Variants in ZHX3 observed in about 807,000 individuals in gnomAD.
ZHX3 encodes zinc fingers and homeoboxes protein 3.
ZHX3 carries 20 observed loss-of-function variants against 64.5 expected under a neutral mutation model. The observed-to-expected ratio is 0.31, with a 90% CI of 0.22 to 0.45. ZHX3 has a LOEUF of 0.45. Among genes scored for constraint, ZHX3 ranks in the 20% least tolerant of loss-of-function variants. ZHX3 has a pLI of 1.00. For synonymous variants in ZHX3, 423 were observed against 461.6 expected, an observed-to-expected ratio of 0.92 and a Z score of 1.07; for missense variants, 1,041 against 1,195.8, an observed-to-expected ratio of 0.87 and a Z score of 1.91.
chr20:41,266,400 T>C (rs1368164829), intron 2 of ZHX3, among the ~76,000 whole-genome samples: 2 of 152,108 alleles, frequency 1.3e-5, no homozygotes, highest in Non-Finnish European at 2.9e-5. Context: ...CCTCCAGTCA[T>C]ATGCAATGTC....
At chr20:41,198,923 T>A (rs1278188291) in intron 3 of ZHX3, among the ~76,000 whole-genome samples, 2 of 152,086 alleles carry the variant, frequency 1.3e-5, no homozygotes, top group South Asian at 2.1e-4. Flanking sequence ...TCCTAAATAT[T>A]TTTTTTCTTT....
intron 1 of ZHX3, among the ~76,000 whole-genome samples, chr20:41,275,134 G>A (rs2043318650): frequency 6.6e-6 from 1 of 151,996 alleles, no homozygotes; most frequent in Admixed American, 6.6e-5. Context: ...CTCCAGCCTG[G>A]GTGACAAGAG....
At chr20:41,240,461 A>G (rs1376717945) in intron 2 of ZHX3, among the ~76,000 whole-genome samples, 2 of 152,208 alleles carry the variant, frequency 1.3e-5, no homozygotes, top group Non-Finnish European at 2.9e-5. Flanking sequence ...ATATTTTGGT[A>G]CAGGCATGTG....
chr20:41,210,766 CCAA>C (rs1245978782), intron 2 of ZHX3, among the ~76,000 whole-genome samples: 1 of 152,094 alleles, frequency 6.6e-6, no homozygotes, highest in Non-Finnish European at 1.5e-5. Flanking sequence ...GTGCAGCACA[CCAA>C]CATGGCACAT....
chr20:41,235,222 C>A (rs1343545632), intron 2 of ZHX3, among the ~76,000 whole-genome samples: 1 of 151,970 alleles, frequency 6.6e-6, no homozygotes, highest in Non-Finnish European at 1.5e-5. Flanking sequence ...AACAAAAAAA[C>A]CGGCTGTGTA....
intron 1 of ZHX3, chr20:41,299,990 C>T (rs2044740524): frequency 6.6e-6 from 1 of 152,102 alleles, no homozygotes; most frequent in African/African-American, 2.4e-5. Flanking sequence ...CAGTCTCCAC[C>T]CGCGTTTTCT....
At chr20:41,237,148 C>T (rs1347691719) in intron 2 of ZHX3, among the ~76,000 whole-genome samples, 1 of 152,182 alleles carries the variant, frequency 6.6e-6, no homozygotes, top group Non-Finnish European at 1.5e-5. Flanking sequence ...AATAGGAACA[C>T]TTTTACACTG....
At chr20:41,216,143 C>G (rs1395604371) in intron 2 of ZHX3, among the ~76,000 whole-genome samples, 1 of 152,158 alleles carries the variant, frequency 6.6e-6, no homozygotes, top group Non-Finnish European at 1.5e-5. Context: ...ACTTCACATT[C>G]TACACCATGA....
At chr20:41,238,698 T>C (rs1001333225) in intron 2 of ZHX3, 1 of 152,186 alleles carries the variant, frequency 6.6e-6, no homozygotes, top group Non-Finnish European at 1.5e-5. Flanking sequence ...TTTGCGGAAA[T>C]ATGCTCACAT....
Position 41,202,325 on chromosome 20 carries a change from G to A in ZHX3, c.2592C>T (p.Asp864=). ...YMTHKMLYEE[D]LQNLCDKTQM... is the part of the protein sequence containing the mutation. The stretch of plus-strand genomic sequence containing the variant: ...GGGTCTTGTCACAGAGGTTCTGCAG[G>A]TCCTCTTCATACAGCATCTTGTGTG... Residue 864 remains aspartate, a synonymous_variant, in exon 3 of 4, where the codon GAC becomes GAT. Transcript: ENST00000683867. The surrounding 1 kb of genome is among the most constrained non-coding windows in gnomAD (Gnocchi z 7.0). The A allele has an allele frequency of 2.5e-6, 4 of 1,614,156 alleles. No individual in the cohort carries two copies. The highest frequency in any genetic ancestry group is 3.4e-6 in the Non-Finnish European group (4 of 1,180,036).
intron 1 of ZHX3, among the ~76,000 whole-genome samples, chr20:41,279,855 A>AG (rs1008902011): frequency 6.6e-6 from 1 of 152,178 alleles, no homozygotes; most frequent in African/African-American, 2.4e-5. Flanking sequence ...ATAGAACCCT[A>AG]GGGGGGAACA....
intron 1 of ZHX3, among the ~76,000 whole-genome samples, chr20:41,306,749 T>C (rs1363804647): frequency 6.6e-6 from 1 of 152,264 alleles, no homozygotes; most frequent in African/African-American, 2.4e-5. Flanking sequence ...AAGGAAATGC[T>C]ATCTTCTGTG....
In ZHX3 at chr20:41,202,545, T is replaced by A. The variant is rs1201013120; in HGVS notation, c.2372A>T (p.Asn791Ile). 1.9e-6 allele frequency: 3 copies of A among 1,614,168 alleles called. No individual in the cohort carries two copies. The East Asian group carries it at 6.7e-5, about 36-fold the overall frequency. The change falls in exon 3 of 4, where the codon AAC becomes ATC. Residue 791 changes from asparagine (N) to isoleucine (I), a missense_variant. Coordinates refer to ENST00000683867, the MANE Select transcript of ZHX3 (RefSeq NM_001384317.1). This position sits in a 1 kb window ranked among gnomAD's most constrained non-coding sequence, Gnocchi z 7.0. ...GGCCATGATGGAGTCATAGTCCTGG[T>A]TGCTTGGCCACTGTGTCTGGACAAA... ...QLFVQTQWPS[N>I]QDYDSIMAQT...
Position 41,203,037 on chromosome 20 carries a change from A to G in ZHX3, c.1880T>C (p.Leu627Pro). ...KERAPEQLRALESSFAQNPLP... is the reference protein window; with the variant it reads ...KERAPEQLRAPESSFAQNPLP... Reference sequence around the variant, plus strand: ...AGGGTTTTGTGCAAAACTGCTCTCCAGGGCTCTGAGCTGCTCAGGGGCTCT... The same window carrying G: ...AGGGTTTTGTGCAAAACTGCTCTCCGGGGCTCTGAGCTGCTCAGGGGCTCT... Residue 627 changes from leucine (L) to proline (P), a missense_variant, in exon 3 of 4, where the codon CTG (leucine) becomes CCG (proline). Transcript: ENST00000683867. This position sits in a 1 kb window ranked among gnomAD's most constrained non-coding sequence, Gnocchi z 7.1. 3 of 1,614,178 alleles carry G rather than the reference A, an allele frequency of 1.9e-6. No homozygotes were observed. Among genetic ancestry groups the G allele is most frequent in the Non-Finnish European group, 2.5e-6 (3 of 1,180,038 alleles).
At chr20:41,285,001 T>C (rs1156398216) in intron 1 of ZHX3, among the ~76,000 whole-genome samples, 2 of 152,178 alleles carry the variant, frequency 1.3e-5, no homozygotes, top group Admixed American at 6.5e-5. Context: ...TCGTACACTC[T>C]TACTGGTCCT....
intron 1 of ZHX3, among the ~76,000 whole-genome samples, chr20:41,285,120 T>G (rs17181363): frequency 0.071 from 10,791 of 152,078 alleles, 409 homozygotes; most frequent in Middle Eastern, 0.17. Context: ...CCATTCTGTT[T>G]TATCCCTCTC....
At chr20:41,235,133 GTA>G (rs1184914120) in intron 2 of ZHX3, among the ~76,000 whole-genome samples, 1 of 152,026 alleles carries the variant, frequency 6.6e-6, no homozygotes, top group Non-Finnish European at 1.5e-5. Context: ...GTGTGTGTGT[GTA>G]TGTGCACACA....
In ZHX3 at chr20:41,202,355, G is replaced by A. The variant is rs1294236463; in HGVS notation, c.2562C>T (p.Tyr854=). 1 of 1,614,212 alleles carries A rather than the reference G, an allele frequency of 6.2e-7. No homozygotes were observed. The highest frequency in any genetic ancestry group is 1.3e-5 in the African/African-American group (1 of 75,068). The part of the protein sequence containing the change: ...PGNRELLQDY[Y]MTHKMLYEED... Reference sequence around the variant, plus strand: ...CTTCATACAGCATCTTGTGTGTCATGTAATAGTCCTGCAGGAGCTCCCGGT... The same window carrying A: ...CTTCATACAGCATCTTGTGTGTCATATAATAGTCCTGCAGGAGCTCCCGGT... Residue 854 remains tyrosine, a synonymous_variant, in exon 3 of 4, where the codon TAC becomes TAT. Transcript: ENST00000683867. The surrounding 1 kb of genome is among the most constrained non-coding windows in gnomAD (Gnocchi z 7.0).
chr20:41,253,737 C>G (rs767645724), intron 2 of ZHX3, among the ~76,000 whole-genome samples: 3 of 152,012 alleles, frequency 2.0e-5, no homozygotes, highest in Non-Finnish European at 4.4e-5. Context: ...AAGAAAAAAC[C>G]TATAAACAAA....
Sources: allele counts gnomAD v4.1 joint callset (sites outside exome capture counted in the v4.1 genomes callset), GRCh38; gene constraint gnomAD v4.1.1; non-coding constraint Gnocchi (gnomAD v3.1); transcripts MANE v1.5; gene names NCBI Gene and HGNC (gene_info 2026-07-23, HGNC 2026-07-21).